SDK1: variants seen among roughly 807,000 people sequenced by gnomAD.
SDK1 encodes sidekick cell adhesion molecule 1, also known as protein sidekick-1.
SDK1 carries 157 observed loss-of-function variants against 245.5 expected under a neutral mutation model. That is an observed-to-expected ratio of 0.64 (90% CI 0.56 to 0.73). The LOEUF (loss-of-function observed/expected upper bound fraction) is 0.73. Ranked by LOEUF, SDK1 falls within the 30% of genes least tolerant of loss-of-function variation. The pLI is 0.00. For synonymous variants in SDK1, 1,647 were observed against 1,278.5 expected, an observed-to-expected ratio of 1.29 and a Z score of -6.15; for missense variants, 3,583 against 3,002.3, an observed-to-expected ratio of 1.19 and a Z score of -4.52.
At chr7:3,924,268 T>G (rs1433082882) in intron 5 of SDK1, among the ~76,000 whole-genome samples, 1 of 152,044 alleles carries the variant, frequency 6.6e-6, no homozygotes, top group Non-Finnish European at 1.5e-5. Flanking sequence ...AAGGAGAGGA[T>G]GAGTTAGGAT....
At chr7:3,675,108 A>T (rs547823507) in intron 4 of SDK1, among the ~76,000 whole-genome samples, 4 of 152,320 alleles carry the variant, frequency 2.6e-5, no homozygotes, top group Middle Eastern at 3.4e-3. Context: ...TCTAACAGAT[A>T]TCTCCAATGT....
chr7:3,329,429 A>G (rs1780013894), intron 1 of SDK1, among the ~76,000 whole-genome samples: 1 of 152,190 alleles, frequency 6.6e-6, no homozygotes, highest in African/African-American at 2.4e-5. Context: ...AATAGTTTTT[A>G]GGATATTTAG....
At chr7:3,700,554 G>C (rs1025932667) in intron 4 of SDK1, among the ~76,000 whole-genome samples, 3 of 152,060 alleles carry the variant, frequency 2.0e-5, no homozygotes, top group Non-Finnish European at 4.4e-5. Context: ...TATCCAGAGA[G>C]ACACAAAAAT....
intron 1 of SDK1, among the ~76,000 whole-genome samples, chr7:3,315,416 T>G (rs1207580706): frequency 1.3e-5 from 2 of 152,288 alleles, no homozygotes; most frequent in Middle Eastern, 3.4e-3. Context: ...AGTGCACCCC[T>G]GTCTCTGGAG....
At chr7:3,534,520 A>G (rs886588120) in intron 1 of SDK1, among the ~76,000 whole-genome samples, 1 of 151,850 alleles carries the variant, frequency 6.6e-6, no homozygotes, top group African/African-American at 2.4e-5. Context: ...TAGCATTCAA[A>G]TTTCTCCACA....
At chr7:3,761,178 G>T (rs1780085432) in intron 4 of SDK1, among the ~76,000 whole-genome samples, 1 of 150,934 alleles carries the variant, frequency 6.6e-6, no homozygotes, top group Non-Finnish European at 1.5e-5. Flanking sequence ...TTGCCAAGTT[G>T]CATAGAGCTT....
chr7:3,753,774 A>C (rs536270894), intron 4 of SDK1, among the ~76,000 whole-genome samples: 2 of 152,188 alleles, frequency 1.3e-5, no homozygotes, highest in Non-Finnish European at 2.9e-5. Context: ...AATATGGCTG[A>C]GTATGTACAG....
At chr7:3,318,932 A>G (rs1348895418) in intron 1 of SDK1, among the ~76,000 whole-genome samples, 2 of 152,104 alleles carry the variant, frequency 1.3e-5, no homozygotes, top group East Asian at 1.9e-4. Context: ...TTGGATACAG[A>G]TGGTACCTGG....
intron 4 of SDK1, among the ~76,000 whole-genome samples, chr7:3,699,090 GA>G (rs1784667239): frequency 6.6e-6 from 1 of 152,184 alleles, no homozygotes; most frequent in Non-Finnish European, 1.5e-5. Flanking sequence ...CCACCTGGCA[GA>G]AATGAAGGGC....
chr7:3,325,868 T>C (rs777469957), intron 1 of SDK1, among the ~76,000 whole-genome samples: 2 of 151,954 alleles, frequency 1.3e-5, no homozygotes, highest in Admixed American at 6.6e-5. Context: ...AGTGGCATGC[T>C]TTTAGAAACC....
At chr7:3,446,280 G>C (rs1346995429) in intron 1 of SDK1, among the ~76,000 whole-genome samples, 1 of 152,106 alleles carries the variant, frequency 6.6e-6, no homozygotes, top group African/African-American at 2.4e-5. Flanking sequence ...TGTGGATAAA[G>C]AATCTGAAAC....
intron 28 of SDK1, among the ~76,000 whole-genome samples, chr7:4,140,534 CCTTTT>C (rs928556306): frequency 1.2e-4 from 18 of 152,020 alleles, no homozygotes; most frequent in South Asian, 2.1e-4. Flanking sequence ...TTTTTTTCTC[CCTTTT>C]CTTTAATCAT....
intron 1 of SDK1, among the ~76,000 whole-genome samples, chr7:3,384,348 T>A (rs956508954): frequency 6.6e-6 from 1 of 152,208 alleles, no homozygotes; most frequent in Non-Finnish European, 1.5e-5. Flanking sequence ...TTTAATAACA[T>A]ATGCTGAAGG....
intron 1 of SDK1, among the ~76,000 whole-genome samples, chr7:3,498,627 T>C (rs1782096470): frequency 6.6e-6 from 1 of 152,246 alleles, no homozygotes; most frequent in Admixed American, 6.5e-5. Flanking sequence ...TCCTCTTGTT[T>C]TCCTCCAATA....
Position 3,686,629 on chromosome 7 carries a change from AGATT to A in SDK1, c.713+44526_713+44529del, listed in dbSNP as rs1262711726. ...CTATATGCTGTGTTCTAAAATTGAA[AGATT>A]GGTTGGGTGACAGGACACAGCGCAC... On this transcript the variant is annotated intron_variant, in intron 4 of 44. Coordinates refer to ENST00000404826, the MANE Select transcript of SDK1 (RefSeq NM_152744.4). Among the ~76,000 whole-genome samples, 6 of 44,926 alleles carry A rather than the reference AGATT, an allele frequency of 1.3e-4. No homozygotes were observed. In the South Asian group the frequency reaches 2.9e-3, roughly 22 times the overall value. The allele number at this position is 44,926 out of a possible 152,430, so 29.5% of individuals were successfully genotyped here.
In SDK1 at chr7:3,761,322, T is replaced by C. The variant is rs949340735; in HGVS notation, c.714-60128T>C. Among the ~76,000 whole-genome samples the C allele has an allele frequency of 4.3e-4, 60 of 138,028 alleles. 1 individual carries two copies. The highest frequency in any genetic ancestry group is 1.7e-4 in the Non-Finnish European group (11 of 65,396). The allele number at this position is 138,028 out of a possible 152,430, so 90.6% of individuals were successfully genotyped here. ...TATTTAGTTATTAGGTGGCAACTCA[T>C]GTCAACAAGTGAATTCACATGCCAT... On this transcript the variant is annotated intron_variant, in intron 4 of 44. Coordinates refer to ENST00000404826, the MANE Select transcript of SDK1 (RefSeq NM_152744.4).
At chr7:3,618,820 A>G (rs571030964) in intron 1 of SDK1, among the ~76,000 whole-genome samples, 36 of 152,340 alleles carry the variant, frequency 2.4e-4, no homozygotes, top group African/African-American at 7.7e-4. Context: ...GCTATTAACC[A>G]TAAGTGGAAA....
intron 1 of SDK1, among the ~76,000 whole-genome samples, chr7:3,514,941 T>C (rs1362039803): frequency 6.6e-6 from 1 of 152,198 alleles, no homozygotes; most frequent in Non-Finnish European, 1.5e-5. Context: ...AAGAAACATT[T>C]CTAATACAAA....
chr7:3,423,853 A>G (rs867483980), intron 1 of SDK1, among the ~76,000 whole-genome samples: 3 of 152,270 alleles, frequency 2.0e-5, no homozygotes, highest in Admixed American at 6.5e-5. Context: ...AAATAAGTCA[A>G]ACCATTTGTT....
Sources: allele counts gnomAD v4.1 joint callset (sites outside exome capture counted in the v4.1 genomes callset), GRCh38; gene constraint gnomAD v4.1.1; transcripts MANE v1.5; gene names NCBI Gene and HGNC (gene_info 2026-07-23, HGNC 2026-07-21).